Variants in MEI4 observed in about 807,000 individuals in gnomAD.
MEI4 encodes meiosis-specific protein MEI4.
In MEI4, 27 loss-of-function variants were observed where a neutral mutation model predicts 31.4. That is an observed-to-expected ratio of 0.86 (90% confidence interval 0.63 to 1.19). MEI4 has a LOEUF of 1.19. MEI4 is among the 50% of genes most tolerant of loss of function. The pLI is 0.00. For missense variants in MEI4, 329 were observed against 398.9 expected, an observed-to-expected ratio of 0.82 and a Z score of 1.49; for synonymous variants, 122 against 145.4, an observed-to-expected ratio of 0.84 and a Z score of 1.16.
chr6:77,732,701 G>A (rs1187932809), intron 2 of MEI4, among the ~76,000 whole-genome samples: 1 of 152,014 alleles, frequency 6.6e-6, no homozygotes, highest in Non-Finnish European at 1.5e-5. Flanking sequence ...TCCCTGTCTT[G>A]TGCCAGTTTT....
chr6:77,888,347 CT>C (rs1370794874), intron 4 of MEI4, among the ~76,000 whole-genome samples: 1 of 84,910 alleles, frequency 1.2e-5, no homozygotes, highest in Non-Finnish European at 2.4e-5. Context: ...TTTTTTTTTT[CT>C]CTCTTACTGT....
intron 4 of MEI4, among the ~76,000 whole-genome samples, chr6:77,891,874 G>C (rs1318294050): frequency 2.6e-5 from 4 of 152,148 alleles, no homozygotes; most frequent in Admixed American, 2.6e-4. Context: ...TGTATGATTT[G>C]AGGCAGCTGT....
rs561822367 is a variant in MEI4, at chr6:77,868,267, A to G, written c.900+39205A>G. Among the ~76,000 whole-genome samples, 380 of 151,506 alleles carry G rather than the reference A, an allele frequency of 2.5e-3. 4 individuals carry two copies. Among genetic ancestry groups the G allele is most frequent in the Non-Finnish European group, 2.2e-3 (150 of 67,780 alleles). On this transcript the variant is annotated intron_variant, in intron 4 of 4. Coordinates refer to ENST00000684080, the MANE Select transcript of MEI4 (RefSeq NM_001322247.2). ...CAAAAAAAAATGCCAACAGCAAGAA[A>G]GATAAGGAATTGATGATTAGAGGTA...
chr6:77,798,067 T>G (rs1396625120), intron 3 of MEI4, among the ~76,000 whole-genome samples: 1 of 152,146 alleles, frequency 6.6e-6, no homozygotes. Flanking sequence ...AGAATAAGTT[T>G]GCTTTATTTT....
At chr6:77,836,576 T>G (rs1770223225) in intron 4 of MEI4, among the ~76,000 whole-genome samples, 1 of 152,120 alleles carries the variant, frequency 6.6e-6, no homozygotes, top group East Asian at 1.9e-4. Context: ...AATTAAATAT[T>G]CTGAATCTGG....
chr6:77,751,382 TAAA>T (rs1334531239), intron 2 of MEI4, among the ~76,000 whole-genome samples: 1 of 151,100 alleles, frequency 6.6e-6, no homozygotes, highest in African/African-American at 2.4e-5. Context: ...GCCAGACTAA[TAAA>T]GAAGAAAAGA....
chr6:77,726,685 T>C (rs982273001), intron 2 of MEI4, among the ~76,000 whole-genome samples: 1 of 151,990 alleles, frequency 6.6e-6, no homozygotes, highest in Non-Finnish European at 1.5e-5. Flanking sequence ...GTGTGTGGGA[T>C]GTAGGAGAGA....
intron 3 of MEI4, among the ~76,000 whole-genome samples, chr6:77,797,777 T>A (rs912464821): frequency 1.3e-5 from 2 of 152,164 alleles, no homozygotes; most frequent in African/African-American, 4.8e-5. Context: ...GGTAGCTGAC[T>A]GGATGGTGCC....
intron 3 of MEI4, among the ~76,000 whole-genome samples, chr6:77,768,500 G>C (rs1768229145): frequency 6.6e-6 from 1 of 152,090 alleles, no homozygotes; most frequent in African/African-American, 2.4e-5. Context: ...AGGAGTTCGA[G>C]ACCAGCCTGG....
chr6:77,850,485 A>G (rs1468280943), intron 4 of MEI4, among the ~76,000 whole-genome samples: 3 of 152,164 alleles, frequency 2.0e-5, no homozygotes, highest in Non-Finnish European at 2.9e-5. Flanking sequence ...AATACCACAC[A>G]TCTACAACCA....
intron 4 of MEI4, among the ~76,000 whole-genome samples, chr6:77,870,217 ACT>A (rs2127725010): frequency 6.6e-6 from 1 of 152,152 alleles, no homozygotes; most frequent in South Asian, 2.1e-4. Context: ...GTTTTAGAAT[ACT>A]CTCTCACCAT....
At chr6:77,698,036 C>A (rs770817915) in intron 2 of MEI4, among the ~76,000 whole-genome samples, 1 of 152,106 alleles carries the variant, frequency 6.6e-6, no homozygotes, top group Non-Finnish European at 1.5e-5. Flanking sequence ...TTCTTTGTGT[C>A]TTTTGATCTT....
intron 4 of MEI4, among the ~76,000 whole-genome samples, chr6:77,889,969 A>G (rs1010985250): frequency 6.6e-6 from 1 of 152,218 alleles, no homozygotes; most frequent in Non-Finnish European, 1.5e-5. Flanking sequence ...ACCTCTGCCT[A>G]CATTTCAGAG....
At chr6:77,876,984 C>T (rs1381873483) in intron 4 of MEI4, among the ~76,000 whole-genome samples, 1 of 152,112 alleles carries the variant, frequency 6.6e-6, no homozygotes, top group Non-Finnish European at 1.5e-5. Flanking sequence ...CCCATTAATA[C>T]AAGTCTTCTA....
chr6:77,753,587 A>G (rs548373752), intron 2 of MEI4, among the ~76,000 whole-genome samples: 23 of 152,340 alleles, frequency 1.5e-4, no homozygotes, highest in Non-Finnish European at 2.9e-4. Context: ...CAATCATTAA[A>G]AAGTCAGGAA....
chr6:77,709,891 G>T (rs1239867805), intron 2 of MEI4, among the ~76,000 whole-genome samples: 1 of 152,046 alleles, frequency 6.6e-6, no homozygotes, highest in Admixed American at 6.6e-5. Context: ...TTTTTATTCT[G>T]TGAACCACAA....
At chr6:77,831,129 T>A (rs1770067881) in intron 4 of MEI4, among the ~76,000 whole-genome samples, 2 of 142,124 alleles carry the variant, frequency 1.4e-5, no homozygotes, top group African/African-American at 2.6e-5. Context: ...GACATACAAA[T>A]GGCTAGCAGG....
At chr6:77,770,866 G>A (rs530154111) in intron 3 of MEI4, among the ~76,000 whole-genome samples, 13 of 152,134 alleles carry the variant, frequency 8.5e-5, no homozygotes, top group Non-Finnish European at 1.6e-4. Context: ...ATACCATTCT[G>A]GACAGTACCT....
At chr6:77,797,250 T>C (rs1769104466) in intron 3 of MEI4, among the ~76,000 whole-genome samples, 1 of 152,086 alleles carries the variant, frequency 6.6e-6, no homozygotes, top group African/African-American at 2.4e-5. Context: ...TAAGAAAGCA[T>C]AGGAAAAAAG....
Sources: allele counts gnomAD v4.1 joint callset (sites outside exome capture counted in the v4.1 genomes callset), GRCh38; gene constraint gnomAD v4.1.1; transcripts MANE v1.5; gene names NCBI Gene and HGNC (gene_info 2026-07-23, HGNC 2026-07-21).